HPGDS: variants seen among roughly 807,000 people sequenced by gnomAD.
HPGDS encodes GST class-sigma.
Under a neutral mutation model 23.1 loss-of-function variants are expected in HPGDS, and 26 were observed. That is an observed-to-expected ratio of 1.13 (90% CI 0.83 to 1.56). The LOEUF (loss-of-function observed/expected upper bound fraction) is 1.56, where lower values mean the gene tolerates loss of function less well. HPGDS is among the 40% of genes most tolerant of loss of function. HPGDS has a pLI of 0.00. For missense variants in HPGDS, 268 were observed against 236.4 expected (o/e 1.13, Z -0.88); for synonymous variants, 95 against 77.9 (o/e 1.22, Z -1.16).
chr4:94,326,007 T>C (rs1756625076), intron 2 of HPGDS, among the ~76,000 whole-genome samples: 1 of 151,526 alleles, frequency 6.6e-6, no homozygotes, highest in Non-Finnish European at 1.5e-5. Context: ...ACTTTGAACA[T>C]ATCATTCCAT....
chr4:94,338,174 G>A lies in HPGDS; in HGVS notation c.-9-3536C>T, dbSNP rs565274704. 3.1e-3 allele frequency among the ~76,000 whole-genome samples: 478 copies of A among 152,098 alleles called. 5 individuals are homozygous for A. Among genetic ancestry groups the A allele is most frequent in the African/African-American group, 0.011 (443 of 41,498 alleles). ...TGCAGTGGCTCACGTCTGTAATCCC[G>A]GCACTTTGGGAGGCCGAGGCGGGCA... is the stretch of plus-strand genomic sequence containing the variant. On this transcript the variant is annotated intron_variant, in intron 1 of 5. Coordinates refer to ENST00000295256, the MANE Select transcript of HPGDS (RefSeq NM_014485.3).
chr4:94,304,855 G>A (rs1409039224), intron 4 of HPGDS, among the ~76,000 whole-genome samples: 1 of 152,014 alleles, frequency 6.6e-6, no homozygotes, highest in East Asian at 1.9e-4. Context: ...CCTCTGGGAG[G>A]TGGTCTCTGT....
intron 2 of HPGDS, among the ~76,000 whole-genome samples, chr4:94,327,057 G>C (rs971677344): frequency 9.2e-5 from 14 of 152,026 alleles, no homozygotes; most frequent in Non-Finnish European, 1.8e-4. Flanking sequence ...TGGGGAGGGG[G>C]ATGCCAAGTG....
chr4:94,341,514 A>G (rs11727030), intron 1 of HPGDS, among the ~76,000 whole-genome samples: 76,406 of 152,016 alleles, frequency 0.5, 20,828 homozygotes, highest in Non-Finnish European at 0.62. Flanking sequence ...TAATTTTGTT[A>G]GATAGAAAAC....
intron 2 of HPGDS, among the ~76,000 whole-genome samples, chr4:94,320,068 A>G (rs1756472700): frequency 6.6e-6 from 1 of 152,164 alleles, no homozygotes; most frequent in Non-Finnish European, 1.5e-5. Flanking sequence ...AGCTTCATCC[A>G]TGTCCCTACA....
intron 4 of HPGDS, among the ~76,000 whole-genome samples, chr4:94,306,678 C>T (rs547912341): frequency 2.4e-4 from 37 of 152,056 alleles, no homozygotes; most frequent in African/African-American, 8.7e-4. Flanking sequence ...CCATTCTTAG[C>T]GGAAAACAGC....
At chr4:94,309,747 C>T (rs937323321) in intron 3 of HPGDS, among the ~76,000 whole-genome samples, 24 of 151,698 alleles carry the variant, frequency 1.6e-4, no homozygotes, top group Non-Finnish European at 2.2e-4. Context: ...GTCCCACCAA[C>T]AGTGTAAAAG....
intron 3 of HPGDS, among the ~76,000 whole-genome samples, chr4:94,309,469 T>C (rs1257449172): frequency 6.6e-6 from 1 of 152,176 alleles, no homozygotes; most frequent in African/African-American, 2.4e-5. Flanking sequence ...TCATCATTTT[T>C]TATGGCTGCA....
intron 4 of HPGDS, among the ~76,000 whole-genome samples, 184 bp from the exon 5 acceptor site, chr4:94,302,428 A>C (rs1008716926): frequency 2.6e-5 from 4 of 152,144 alleles, no homozygotes; most frequent in African/African-American, 9.7e-5. Context: ...GATGTGAGTC[A>C]TCTCTTTATT....
At chr4:94,339,841 C>T (rs1010130976) in intron 1 of HPGDS, among the ~76,000 whole-genome samples, 5 of 152,128 alleles carry the variant, frequency 3.3e-5, no homozygotes, top group Admixed American at 6.5e-5. Flanking sequence ...CGGTTTCCCC[C>T]ATACTGACTT....
chr4:94,311,844 A>G (rs1054247692), intron 3 of HPGDS, among the ~76,000 whole-genome samples: 3 of 151,144 alleles, frequency 2.0e-5, no homozygotes, highest in African/African-American at 7.4e-5. Context: ...CAGAGATTCA[A>G]CTTCTTCCTG....
intron 2 of HPGDS, among the ~76,000 whole-genome samples, chr4:94,327,387 G>A (rs993867327): frequency 6.6e-6 from 1 of 152,082 alleles, no homozygotes; most frequent in African/African-American, 2.4e-5. Context: ...TGCACCAGTG[G>A]CAGCAGGCAG....
intron 2 of HPGDS, among the ~76,000 whole-genome samples, chr4:94,320,898 C>T (rs1378490912): frequency 6.6e-6 from 1 of 152,154 alleles, no homozygotes; most frequent in South Asian, 2.1e-4. Context: ...GGTTTTAGGT[C>T]TGACATTGAA....
At position 94,319,447 on chromosome 4, in the gene HPGDS, G is replaced by A. The variant is rs192852103; in HGVS notation, c.134-1482C>T. ...GTTAATTGTAGGCAGCAGATAGTTG[G>A]CTTGTATTTTGTTTTTGATTCAGCC... On this transcript the variant is annotated intron_variant, in intron 2 of 5. Coordinates refer to ENST00000295256, the MANE Select transcript of HPGDS (RefSeq NM_014485.3). 6.6e-5 allele frequency among the ~76,000 whole-genome samples: 10 copies of A among 152,192 alleles called. No homozygotes were observed. In the East Asian group the frequency reaches 1.2e-3, roughly 18 times the overall value.
At chr4:94,319,015 T>C (rs1413856253) in intron 2 of HPGDS, among the ~76,000 whole-genome samples, 1 of 152,146 alleles carries the variant, frequency 6.6e-6, no homozygotes, top group Non-Finnish European at 1.5e-5. Context: ...GCCTGGCCTA[T>C]GGATGAAATG....
intron 3 of HPGDS, among the ~76,000 whole-genome samples, chr4:94,315,424 AC>A (rs1756376690): frequency 6.6e-6 from 1 of 152,190 alleles, no homozygotes; most frequent in South Asian, 2.1e-4. Context: ...ATTTTTGCAG[AC>A]AGTTTTTGTC....
chr4:94,305,321 C>A (rs1213080068), intron 4 of HPGDS, among the ~76,000 whole-genome samples: 2 of 152,042 alleles, frequency 1.3e-5, no homozygotes, highest in African/African-American at 4.8e-5. Context: ...GTATTTCTAT[C>A]ATCAAAGCTG....
At chr4:94,327,443 T>A (rs564710497) in intron 2 of HPGDS, among the ~76,000 whole-genome samples, 2 of 152,114 alleles carry the variant, frequency 1.3e-5, no homozygotes, top group African/African-American at 2.4e-5. Context: ...TGGGTGCCAG[T>A]GGCAGTGGTA....
At chr4:94,305,368 G>A (rs554569827) in intron 4 of HPGDS, among the ~76,000 whole-genome samples, 4 of 151,928 alleles carry the variant, frequency 2.6e-5, no homozygotes, top group African/African-American at 4.8e-5. Context: ...ATATATATAC[G>A]TGTGTGTGTG....
Sources: gnomAD v4.1 joint callset for allele counts (sites outside exome capture counted in the v4.1 genomes callset) on GRCh38, gnomAD v4.1.1 for gene constraint, MANE v1.5 for transcripts, NCBI Gene and HGNC (gene_info 2026-07-23, HGNC 2026-07-21) for gene names.